The following ZC3H18 variants were observed in gnomAD, a reference collection of about 807,000 sequenced individuals.
The protein encoded by ZC3H18 is zinc finger CCCH-type containing 18.
A neutral mutation model predicts 106.1 loss-of-function variants in ZC3H18; 8 were observed. The observed-to-expected ratio is 0.08, with a 90% CI of 0.04 to 0.14. The LOEUF (loss-of-function observed/expected upper bound fraction) is 0.14, where lower values mean the gene tolerates loss of function less well. ZC3H18 is among the 10% of genes least tolerant of loss of function. The probability of loss-of-function intolerance (pLI) is 1.00; values close to 1 mark genes in which losing one functional copy is unlikely to be tolerated. For synonymous variants in ZC3H18, 635 were observed against 522.1 expected, an observed-to-expected ratio of 1.22 and a Z score of -2.95; for missense variants, 1,318 against 1,278.4, an observed-to-expected ratio of 1.03 and a Z score of -0.47.
intron 10 of ZC3H18, 68 bp from the exon 11 acceptor site, chr16:88,623,890 C>G: frequency 1.3e-6 from 2 of 1,536,116 alleles, no homozygotes; most frequent in South Asian, 1.2e-5. Context: ...TGGGTGGGTC[C>G]TCAGTGGGCT....
intron 7 of ZC3H18, among the ~76,000 whole-genome samples, chr16:88,610,739 T>C (rs1367587016): frequency 6.6e-6 from 1 of 152,134 alleles, no homozygotes. Context: ...AGAGGAGCAG[T>C]CTTTTGGGTG....
chr16:88,593,226 G>C (rs941315007), intron 3 of ZC3H18, among the ~76,000 whole-genome samples: 1 of 152,282 alleles, frequency 6.6e-6, no homozygotes, highest in South Asian at 2.1e-4. Context: ...CTGCCAATGC[G>C]TCAGAAGGAA....
At position 88,571,778 on chromosome 16, in the gene ZC3H18, C is replaced by T. The variant is rs139978116; in HGVS notation, c.-15+1212C>T. ...TCTTTATCAAGGAGTTTAGTGGTCA[C>T]GCTTGGTCACTTTGCACGTGGGGTC... On this transcript the variant is annotated intron_variant, in intron 1 of 17. Coordinates refer to ENST00000301011, the MANE Select transcript of ZC3H18 (RefSeq NM_144604.4). The T allele has an allele frequency of 1.4e-5, 10 of 704,030 alleles. No individual in the cohort carries two copies. The South Asian group carries it at 1.9e-4, about 14-fold the overall frequency. 43.6% of individuals were successfully genotyped at this position (704,030 alleles called of 1,614,324 possible). A position where few individuals can be genotyped will look rare whatever the true frequency, so the allele number is the denominator to read the frequency against.
At position 88,582,038 on chromosome 16, in the gene ZC3H18, C is replaced by T. The variant is rs149980425; in HGVS notation, c.603+4312C>T. Among the ~76,000 whole-genome samples the T allele has an allele frequency of 7.2e-5, 11 of 152,260 alleles. No homozygotes were observed. In the East Asian group the frequency reaches 1.5e-3, roughly 21 times the overall value. ...TGTTCCATTCTCCTCTTATTGAGGACCTCCTACATTTGTAGGGTGGCCTCC... is the reference window on the plus strand; with the variant it reads ...TGTTCCATTCTCCTCTTATTGAGGATCTCCTACATTTGTAGGGTGGCCTCC... On this transcript the variant is annotated intron_variant, in intron 2 of 17. Transcript: ENST00000301011.
chr16:88,573,958 C>T (rs540746961), intron 1 of ZC3H18, among the ~76,000 whole-genome samples: 5 of 151,494 alleles, frequency 3.3e-5, no homozygotes, highest in Admixed American at 2.0e-4. Context: ...CTGCAACCTC[C>T]GCCCCCCCGA....
chr16:88,621,718 C>T (rs915562177), intron 8 of ZC3H18, among the ~76,000 whole-genome samples: 30 of 152,140 alleles, frequency 2.0e-4, no homozygotes, highest in Admixed American at 1.8e-3. Flanking sequence ...CTGGAACTCC[C>T]GACCTCAAGT....
intron 3 of ZC3H18, among the ~76,000 whole-genome samples, chr16:88,590,963 G>A (rs892845118): frequency 5.2e-5 from 7 of 135,172 alleles, no homozygotes; most frequent in South Asian, 2.4e-4. Context: ...TAAAATTGTG[G>A]TGGAATACTT....
At chr16:88,597,868 G>A (rs1406564786) in intron 3 of ZC3H18, among the ~76,000 whole-genome samples, 1 of 152,230 alleles carries the variant, frequency 6.6e-6, no homozygotes, top group East Asian at 1.9e-4. Flanking sequence ...GGGCTTTTCT[G>A]GTTTAAGGGG....
At chr16:88,583,359 CGCGCTTGCTGA>C (rs1172451058) in intron 2 of ZC3H18, among the ~76,000 whole-genome samples, 5 of 152,242 alleles carry the variant, frequency 3.3e-5, no homozygotes, top group South Asian at 2.1e-4. Context: ...AGGACTCAGG[CGCGCTTGCTGA>C]GCACTTGCTG....
At chr16:88,613,860 G>C (rs898819208) in intron 8 of ZC3H18, among the ~76,000 whole-genome samples, 1 of 152,140 alleles carries the variant, frequency 6.6e-6, no homozygotes, top group African/African-American at 2.4e-5. Context: ...TCTCTTCTAA[G>C]AGTTTCATAG....
intron 3 of ZC3H18, among the ~76,000 whole-genome samples, chr16:88,587,327 C>T (rs552474838): frequency 1.3e-5 from 2 of 151,990 alleles, no homozygotes; most frequent in Non-Finnish European, 1.5e-5. Flanking sequence ...TTGGGGGATT[C>T]GGAAATGGAA....
At chr16:88,592,361 CTG>C (rs1356373985) in intron 3 of ZC3H18, among the ~76,000 whole-genome samples, 1 of 152,170 alleles carries the variant, frequency 6.6e-6, no homozygotes. Flanking sequence ...CCTTGCAAAA[CTG>C]TGTTTAAAGC....
At chr16:88,592,788 T>C (rs544492313) in intron 3 of ZC3H18, among the ~76,000 whole-genome samples, 39 of 152,378 alleles carry the variant, frequency 2.6e-4, no homozygotes, top group Non-Finnish European at 5.0e-4. Context: ...GCATTCACCA[T>C]GCACTGGCAT....
intron 13 of ZC3H18, 162 bp downstream of exon 13, chr16:88,625,429 A>G (rs1906243120): frequency 1.2e-6 from 1 of 819,364 alleles, no homozygotes; most frequent in Admixed American, 2.6e-5. Flanking sequence ...AAGCTTTGAC[A>G]CAGGAGAAAA....
rs560764840 is a variant in ZC3H18, at chr16:88,578,980, G to A, written c.603+1254G>A. Among the ~76,000 whole-genome samples the A allele has an allele frequency of 8.5e-5, 13 of 152,294 alleles. No individual in the cohort carries two copies. In the South Asian group the frequency reaches 2.3e-3, roughly 27 times the overall value. ...TGGGATCACAGGCGTGAGGCACCAC[G>A]CCCGGCGGGTGCCATGCTTCTCCAG... is the stretch of plus-strand genomic sequence containing the variant. On this transcript the variant is annotated intron_variant, in intron 2 of 17. Coordinates refer to ENST00000301011, the MANE Select transcript of ZC3H18 (RefSeq NM_144604.4).
rs1300211584 is a variant in ZC3H18 at position 88,623,252 on chromosome 16, CG to C, written c.1703del (p.Gly568AlafsTer70). 1 of 1,613,424 alleles carries C rather than the reference CG, an allele frequency of 6.2e-7. No individual in the cohort carries two copies. The highest frequency in any genetic ancestry group is 8.5e-7 in the Non-Finnish European group (1 of 1,179,956). On this transcript the variant is annotated frameshift_variant, in exon 10 of 18. Transcript: ENST00000301011. LOFTEE classifies it high-confidence loss of function. Reference protein sequence around the residue: ...SSRSSSYSGSGSSRSRSRSSS... With the variant: ...SSRSSSYSGSXSSRSRSRSSS... ...CGCGGTCATCGTCCTACTCTGGCTC[CG>C]GCTCCTCCCGGTCGCGATCCCGGTC... is the stretch of plus-strand genomic sequence containing the variant.
chr16:88,624,391 G>T lies in ZC3H18; in HGVS notation c.1899-211G>T, dbSNP rs915257434. 1.3e-5 allele frequency: 10 copies of T among 776,028 alleles called. No individual in the cohort carries two copies. The Admixed American group carries it at 2.4e-4, about 18-fold the overall frequency. The allele number at this position is 776,028 out of a possible 1,614,324, so 48.1% of individuals were successfully genotyped here. A position where few individuals can be genotyped will look rare whatever the true frequency, so the allele number is the denominator to read the frequency against. ...TGCCTGTAGCTCTTGCCTGTTAGAG[G>T]GGAGCCTGGAAGGGCTGCTGGGGGC... On this transcript the variant is annotated intron_variant, in intron 11 of 17. Coordinates refer to ENST00000301011, the MANE Select transcript of ZC3H18 (RefSeq NM_144604.4).
chr16:88,591,685 A>G (rs1597331416), intron 3 of ZC3H18, among the ~76,000 whole-genome samples: 1 of 152,222 alleles, frequency 6.6e-6, no homozygotes, highest in Non-Finnish European at 1.5e-5. Flanking sequence ...GCAATTGTGA[A>G]TAGAGCTGCT....
intron 7 of ZC3H18, among the ~76,000 whole-genome samples, chr16:88,609,579 G>T (rs1043624958): frequency 3.3e-5 from 5 of 151,932 alleles, no homozygotes; most frequent in African/African-American, 4.8e-5. Flanking sequence ...TGGGATTAAA[G>T]ACATGAGCCA....
Sources: allele counts gnomAD v4.1 joint callset (sites outside exome capture counted in the v4.1 genomes callset), GRCh38; gene constraint gnomAD v4.1.1; transcripts MANE v1.5; gene names NCBI Gene and HGNC (gene_info 2026-07-23, HGNC 2026-07-21).